The following VPS13A variants were observed in gnomAD, a reference collection of about 807,000 sequenced individuals.
VPS13A encodes vacuolar protein sorting 13 homolog A, also known as intermembrane lipid transfer protein VPS13A.
Under a neutral mutation model 390.9 loss-of-function variants are expected in VPS13A, and 264 were observed. The ratio of observed to expected loss-of-function variants is 0.68; its 90% CI spans 0.61 to 0.75. The LOEUF is 0.75. Among genes scored for constraint, VPS13A ranks in the 30% least tolerant of loss-of-function variants. The probability of loss-of-function intolerance (pLI) is 0.00; values close to 1 mark genes in which losing one functional copy is unlikely to be tolerated. For synonymous variants in VPS13A, 1,231 were observed against 1,227.1 expected (o/e 1.00, Z -0.07); for missense variants, 3,409 against 3,733.9 (o/e 0.91, Z 2.27).
chr9:77,309,927 A>G (rs1346829560), intron 35 of VPS13A, among the ~76,000 whole-genome samples: 1 of 152,010 alleles, frequency 6.6e-6, no homozygotes, highest in Non-Finnish European at 1.5e-5. Flanking sequence ...TGATTGCATG[A>G]TTGATTTTTG....
At chr9:77,264,675 A>C (rs1397550780) in intron 23 of VPS13A, among the ~76,000 whole-genome samples, 2 of 152,194 alleles carry the variant, frequency 1.3e-5, no homozygotes, top group African/African-American at 4.8e-5. Context: ...GAAGTTGCTT[A>C]TGAGCTTAAG....
intron 55 of VPS13A, among the ~76,000 whole-genome samples, chr9:77,357,489 T>C (rs1470311305): frequency 6.6e-6 from 1 of 152,114 alleles, no homozygotes; most frequent in Non-Finnish European, 1.5e-5. Context: ...TAAATTTTAG[T>C]ACATTTATGT....
intron 24 of VPS13A, among the ~76,000 whole-genome samples, chr9:77,274,526 A>T (rs1826535535): frequency 1.3e-5 from 2 of 151,914 alleles, no homozygotes; most frequent in African/African-American, 4.8e-5. Flanking sequence ...AGATGTCTTA[A>T]TTTCTAATGT....
chr9:77,373,371 A>C (rs1832889225), intron 67 of VPS13A, among the ~76,000 whole-genome samples: 1 of 142,196 alleles, frequency 7.0e-6, no homozygotes, highest in Admixed American at 7.5e-5. Flanking sequence ...ACCTGACAAA[A>C]ACAAGCAATG....
At chr9:77,238,703 A>G (rs1043636597) in intron 19 of VPS13A, among the ~76,000 whole-genome samples, 1 of 152,196 alleles carries the variant, frequency 6.6e-6, no homozygotes. Context: ...AGATTTTGAT[A>G]TATCAGCCTC....
intron 17 of VPS13A, among the ~76,000 whole-genome samples, chr9:77,229,172 G>A (rs918763186): frequency 1.3e-5 from 2 of 151,942 alleles, no homozygotes; most frequent in Non-Finnish European, 2.9e-5. Flanking sequence ...TCTGCTTCCT[G>A]GGCTCAGGCT....
At chr9:77,248,997 G>C (rs1824996113) in intron 20 of VPS13A, among the ~76,000 whole-genome samples, 1 of 152,226 alleles carries the variant, frequency 6.6e-6, no homozygotes, top group Non-Finnish European at 1.5e-5. Context: ...CTCCCAAAGT[G>C]TTGGGATTAC....
At chr9:77,336,413 A>T (rs1309070201) in intron 46 of VPS13A, among the ~76,000 whole-genome samples, 1 of 151,576 alleles carries the variant, frequency 6.6e-6, no homozygotes, top group Non-Finnish European at 1.5e-5. Flanking sequence ...ACTGATGTTT[A>T]AAAAAAAACA....
intron 13 of VPS13A, among the ~76,000 whole-genome samples, chr9:77,223,471 G>A (rs1282486588): frequency 6.6e-6 from 1 of 152,110 alleles, no homozygotes; most frequent in Non-Finnish European, 1.5e-5. Flanking sequence ...GAAATTGAAA[G>A]TGCTATTCCA....
At chr9:77,333,908 T>C (rs946483198) in intron 46 of VPS13A, among the ~76,000 whole-genome samples, 3 of 152,202 alleles carry the variant, frequency 2.0e-5, no homozygotes, top group African/African-American at 7.2e-5. Context: ...AATACCAAGA[T>C]GAATTGCATG....
chr9:77,320,136 A>G (rs1442864143), intron 42 of VPS13A, among the ~76,000 whole-genome samples: 2 of 152,170 alleles, frequency 1.3e-5, no homozygotes, highest in Non-Finnish European at 2.9e-5. Flanking sequence ...TAATCCTTAC[A>G]ACAACTCTTG....
chr9:77,252,812 T>C (rs1825219675), intron 22 of VPS13A, among the ~76,000 whole-genome samples: 1 of 152,244 alleles, frequency 6.6e-6, no homozygotes, highest in African/African-American at 2.4e-5. Flanking sequence ...TTGGAGCATA[T>C]GTCAGAATTT....
At chr9:77,350,906 A>T (rs1831428860) in intron 52 of VPS13A, 2 of 181,750 alleles carry the variant, frequency 1.1e-5, no homozygotes, top group South Asian at 2.1e-4. Flanking sequence ...TGTGTATTTC[A>T]TGTTTTGTGA....
At chr9:77,320,643 A>T (rs869241) in intron 42 of VPS13A, among the ~76,000 whole-genome samples, 85,605 of 151,736 alleles carry the variant, frequency 0.56, 24,353 homozygotes, top group East Asian at 0.69. Flanking sequence ...GATGAAGGAT[A>T]TGAAAAGGAA....
At chr9:77,359,250 T>C in intron 57 of VPS13A, 83 bp from the exon 58 acceptor site, 1 of 1,108,070 alleles carries the variant, frequency 9.0e-7, no homozygotes, top group Non-Finnish European at 1.3e-6. Context: ...TGATTTAATT[T>C]TCCATTGTGG....
At chr9:77,353,378 T>TTTTTTTTTTTTTTTTTTTGG in intron 53 of VPS13A, 31 bp from the exon 54 acceptor site, 1 of 507,280 alleles carries the variant, frequency 2.0e-6, no homozygotes. Context: ...AATTTTTTGG[T>TTTTTTTTTTTTTTTTTTTGG]TTTTTTTTTT....
chr9:77,238,536 T>G, intron 19 of VPS13A, 150 bp downstream of exon 19: 1 of 717,834 alleles, frequency 1.4e-6, no homozygotes, highest in Non-Finnish European at 2.4e-6. Flanking sequence ...AGTACTTTTA[T>G]GTTTAAAGGC....
At chr9:77,228,029 TTGG>T in intron 16 of VPS13A, 90 bp from the exon 17 acceptor site, 1 of 959,476 alleles carries the variant, frequency 1.0e-6, no homozygotes, top group Non-Finnish European at 1.5e-6. Flanking sequence ...CTTAAAATAT[TTGG>T]TGGTTTTTGA....
In VPS13A at chr9:77,351,346, C is replaced by G; in HGVS notation, c.7319C>G (p.Pro2440Arg). 6.2e-7 allele frequency: 1 copy of G among 1,613,784 alleles called. No homozygotes were observed. Among genetic ancestry groups the G allele is most frequent in the Non-Finnish European group, 8.5e-7 (1 of 1,179,838 alleles). The change falls in exon 53 of 72, where the codon CCT becomes CGT. Residue 2440 changes from proline to arginine, a missense_variant. Transcript: ENST00000360280. ...SSLSEIEDSL[P>R]PGKAVFYTWA... The stretch of plus-strand genomic sequence containing the variant: ...CTCAGTGAAATAGAAGATTCCCTCC[C>G]TCCTGGTAAAGCCGTGTTTTATACA...
Sources: gnomAD v4.1 joint callset for allele counts (sites outside exome capture counted in the v4.1 genomes callset) on GRCh38, gnomAD v4.1.1 for gene constraint, MANE v1.5 for transcripts, NCBI Gene and HGNC (gene_info 2026-07-23, HGNC 2026-07-21) for gene names.